The following IRAG2 variants were observed in gnomAD, a reference collection of about 807,000 sequenced individuals.
IRAG2 encodes inositol 1,4,5-triphosphate receptor associated 2, also known as lymphoid restricted membrane protein.
A neutral mutation model predicts 69.9 loss-of-function variants in IRAG2; 45 were observed. That is an observed-to-expected ratio of 0.64 (90% CI 0.51 to 0.83). IRAG2 has a LOEUF of 0.83. IRAG2 is among the 40% of genes least tolerant of loss of function. IRAG2 has a pLI of 0.00. For synonymous variants in IRAG2, 193 were observed against 202.4 expected (o/e 0.95, Z 0.40); for missense variants, 520 against 587.0 (o/e 0.89, Z 1.18).
At chr12:25,103,570 A>G (rs1948873281) in intron 17 of IRAG2, 1 of 386,410 alleles carries the variant, frequency 2.6e-6, no homozygotes, top group Non-Finnish European at 4.6e-6. Flanking sequence ...ATGTTTCTAG[A>G]AGACAAATAA....
chr12:25,060,062 T>C (rs1022214205), intron 1 of IRAG2, among the ~76,000 whole-genome samples: 1 of 152,188 alleles, frequency 6.6e-6, no homozygotes, highest in Non-Finnish European at 1.5e-5. Flanking sequence ...GTGGTAGCTA[T>C]TAATATGCTT....
chr12:25,013,666 A>G (rs859205), intron 3 of IRAG2, among the ~76,000 whole-genome samples: 147,504 of 152,126 alleles, frequency 0.97, 71,670 homozygotes, highest in East Asian at 1. Context: ...CCATACACTA[A>G]AATACTAGTC....
chr12:25,100,000 GAA>G (rs56728551), intron 15 of IRAG2, among the ~76,000 whole-genome samples: 3,335 of 25,282 alleles, frequency 0.13, 59 homozygotes, highest in South Asian at 0.22. Flanking sequence ...GACTCCATCT[GAA>G]AAAAAAAAAA....
upstream of IRAG2, among the ~76,000 whole-genome samples, chr12:25,049,391 C>T (rs7306889): frequency 0.26 from 39,353 of 152,062 alleles, 5,502 homozygotes; most frequent in South Asian, 0.41. Context: ...GAATGTTTTT[C>T]CATTTGTTTG....
chr12:25,054,430 G>A (rs569409398), intron 1 of IRAG2, among the ~76,000 whole-genome samples: 1 of 152,262 alleles, frequency 6.6e-6, no homozygotes, highest in Non-Finnish European at 1.5e-5. Flanking sequence ...AAACTACTAA[G>A]AATTTGTTCC....
chr12:25,098,363 T>A lies in IRAG2; in HGVS notation c.741+1319T>A, dbSNP rs1229513649. 2.0e-5 allele frequency among the ~76,000 whole-genome samples: 3 copies of A among 152,100 alleles called. No homozygotes were observed. In the East Asian group the frequency reaches 5.8e-4, roughly 29 times the overall value. On this transcript the variant is annotated intron_variant, in intron 15 of 21. Transcript: ENST00000556887. ...ACCACTGTCATGTCTTTCCCCATAT[T>A]CTCTCTCAAACACAGGTAATGACTG... is the stretch of plus-strand genomic sequence containing the variant.
In IRAG2 at chr12:25,108,318, G is replaced by C; in HGVS notation, c.*258G>C. The C allele has an allele frequency of 1.9e-6, 1 of 539,540 alleles. No individual in the cohort carries two copies. The highest frequency in any genetic ancestry group is 3.6e-5 in the South Asian group (1 of 28,130). 33.4% of individuals were successfully genotyped at this position (539,540 alleles called of 1,614,324 possible). ...GTTTGTTAAAGTTTATTGAAATAAA[G>C]AATCATTTAAATCTTCATAGAGTGA... On this transcript the variant is annotated 3_prime_UTR_variant, in exon 22 of 22. Coordinates refer to ENST00000556887, the MANE Select transcript of IRAG2 (RefSeq NM_001366544.2).
In IRAG2 at chr12:25,079,467, G is replaced by A; in HGVS notation, c.136+5G>A. ...ACGGTACTATAACTTCAAGTGGTAA[G>A]TGGATTTGGAAATAATATTAAAATA... On this transcript the variant is annotated splice_donor_5th_base_variant and intron_variant, in intron 8 of 21. Transcript: ENST00000556887. The A allele has an allele frequency of 1.2e-6, 2 of 1,610,056 alleles. No homozygotes were observed. The highest frequency in any genetic ancestry group is 1.7e-6 in the Non-Finnish European group (2 of 1,176,298).
At chr12:25,086,619 T>C (rs1947623986) in intron 10 of IRAG2, among the ~76,000 whole-genome samples, 1 of 152,000 alleles carries the variant, frequency 6.6e-6, no homozygotes, top group South Asian at 2.1e-4. Flanking sequence ...TGGCTAACAA[T>C]ATCTACTAGA....
intron 10 of IRAG2, among the ~76,000 whole-genome samples, chr12:25,083,744 AT>A (rs1377997776): frequency 6.6e-6 from 1 of 152,196 alleles, no homozygotes; most frequent in Non-Finnish European, 1.5e-5. Context: ...TCATTCATTC[AT>A]TTGCTCACTC....
chr12:25,034,726 T>C (rs899585738), intron 13 of IRAG2, among the ~76,000 whole-genome samples: 4 of 152,234 alleles, frequency 2.6e-5, no homozygotes, highest in Admixed American at 2.0e-4. Flanking sequence ...TGTTCTCCTG[T>C]TGACAGCTGT....
In IRAG2 at chr12:25,101,058, A is replaced by T. The variant is rs1334106042; in HGVS notation, c.742-120A>T. 42 of 778,750 alleles carry T rather than the reference A, an allele frequency of 5.4e-5. No homozygotes were observed. The East Asian group carries it at 1.1e-3, about 20-fold the overall frequency. 48.2% of individuals were successfully genotyped at this position (778,750 alleles called of 1,614,324 possible). Reference sequence around the variant, plus strand: ...TAGATGCATGTCTTTTTAAAAAAAAAACATTTATTGCCACTTTAGTGGGAT... The same window carrying T: ...TAGATGCATGTCTTTTTAAAAAAAATACATTTATTGCCACTTTAGTGGGAT... On this transcript the variant is annotated intron_variant, in intron 15 of 21. Transcript: ENST00000556887.
chr12:25,050,258 C>T (rs898092395), upstream of IRAG2, among the ~76,000 whole-genome samples: 3 of 151,812 alleles, frequency 2.0e-5, no homozygotes, highest in African/African-American at 4.8e-5. Flanking sequence ...GGGCCGGGTG[C>T]GGTGGCTCAT....
rs151071289 is a variant in IRAG2 at position 25,012,701 on chromosome 12, G to A, written c.896+1150G>A. ...AAATTAGCTGGGCGTGGTGGTTCACGCCTGTGATCCCAATCACGTGGGAAG... is the reference window on the plus strand; with the variant it reads ...AAATTAGCTGGGCGTGGTGGTTCACACCTGTGATCCCAATCACGTGGGAAG... On this transcript the variant is annotated intron_variant, in intron 3 of 38. Coordinates refer to the IRAG2 transcript ENST00000636465. Among the ~76,000 whole-genome samples the A allele has an allele frequency of 7.3e-3, 1,113 of 152,224 alleles. 17 individuals carry two copies. The highest frequency in any genetic ancestry group is 0.025 in the African/African-American group (1,057 of 41,562).
intron 9 of IRAG2, among the ~76,000 whole-genome samples, chr12:25,027,313 C>T (rs1944630204): frequency 6.6e-6 from 1 of 151,660 alleles, no homozygotes; most frequent in African/African-American, 2.4e-5. Flanking sequence ...TAATATGTTG[C>T]CTTTTGTGTG....
chr12:25,006,581 A>T (rs1434004179), intron 2 of IRAG2, among the ~76,000 whole-genome samples: 8 of 152,222 alleles, frequency 5.3e-5, no homozygotes, highest in Admixed American at 5.2e-4. Context: ...TGCAACATGG[A>T]TGCAGCTGGA....
intron 9 of IRAG2, among the ~76,000 whole-genome samples, chr12:25,028,334 G>A (rs1011172135): frequency 3.3e-5 from 5 of 151,980 alleles, no homozygotes; most frequent in African/African-American, 1.2e-4. Flanking sequence ...CTACATTCTT[G>A]CCCAGATTTG....
chr12:25,006,106 G>A (rs1433115217), intron 2 of IRAG2, among the ~76,000 whole-genome samples: 1 of 152,032 alleles, frequency 6.6e-6, no homozygotes, highest in Non-Finnish European at 1.5e-5. Flanking sequence ...CATACATGCA[G>A]CCAACAAATA....
intron 20 of IRAG2, among the ~76,000 whole-genome samples, chr12:25,105,636 GT>G (rs1179533085): frequency 7.4e-6 from 1 of 135,932 alleles, no homozygotes; most frequent in Non-Finnish European, 1.6e-5. Context: ...ATTTGAGCTG[GT>G]TGGAAAAAAA....
Sources: allele counts gnomAD v4.1 joint callset (sites outside exome capture counted in the v4.1 genomes callset), GRCh38; gene constraint gnomAD v4.1.1; transcripts MANE v1.5; gene names NCBI Gene and HGNC (gene_info 2026-07-23, HGNC 2026-07-21).